The following DRC8 variants were observed in gnomAD, a reference collection of about 807,000 sequenced individuals.
The protein encoded by DRC8 is dynein regulatory complex subunit 8, also known as dynein regulatory complex protein 8.
chr1:245,100,493 T>C, the DRC8 span, among the ~76,000 whole-genome samples: 1 of 151,984 alleles, frequency 6.6e-6, no homozygotes, highest in Non-Finnish European at 1.5e-5. Flanking sequence ...AAAAATACTA[T>C]ACAGAGGCCT....
At chr1:245,009,972 T>A in the DRC8 span, among the ~76,000 whole-genome samples, 71 of 152,334 alleles carry the variant, frequency 4.7e-4, no homozygotes, top group African/African-American at 1.2e-3. Context: ...GTGATTCTCC[T>A]GCCTCAGCTT....
the DRC8 span, among the ~76,000 whole-genome samples, chr1:245,113,194 CT>C: frequency 6.6e-6 from 1 of 152,190 alleles, no homozygotes; most frequent in Admixed American, 6.5e-5. Context: ...AGTTTCCCCC[CT>C]AAGAGCTTAT....
At chr1:245,100,931 C>T in the DRC8 span, among the ~76,000 whole-genome samples, 5 of 152,134 alleles carry the variant, frequency 3.3e-5, no homozygotes, top group Non-Finnish European at 5.9e-5. Context: ...GTCACCCAGG[C>T]TGGAGTGCAA....
the DRC8 span, among the ~76,000 whole-genome samples, chr1:245,099,067 C>G: frequency 6.6e-6 from 1 of 152,042 alleles, no homozygotes; most frequent in Non-Finnish European, 1.5e-5. Flanking sequence ...GACTCCAGTC[C>G]CTTACTGGCC....
chr1:245,110,505 A>G, the DRC8 span, among the ~76,000 whole-genome samples: 2 of 152,246 alleles, frequency 1.3e-5, no homozygotes, highest in African/African-American at 4.8e-5. Flanking sequence ...GACAGGACCT[A>G]GTTTTGACTT....
chr1:244,980,469 C>G, the DRC8 span, among the ~76,000 whole-genome samples: 1 of 152,044 alleles, frequency 6.6e-6, no homozygotes, highest in Non-Finnish European at 1.5e-5. Flanking sequence ...AGATGGACTC[C>G]AGGTTTGGGA....
the DRC8 span, among the ~76,000 whole-genome samples, chr1:244,991,611 C>T: frequency 1.6e-3 from 237 of 152,250 alleles, 1 homozygote; most frequent in African/African-American, 5.1e-3. Context: ...TACATTATGA[C>T]TTTTAATCCT....
chr1:245,030,593 A>G, the DRC8 span: 4 of 152,302 alleles, frequency 2.6e-5, no homozygotes, highest in Middle Eastern at 6.8e-3. Flanking sequence ...GTGACTCCAC[A>G]TCACCTGGTA....
chr1:245,055,922 T>A, the DRC8 span, among the ~76,000 whole-genome samples: 43 of 152,158 alleles, frequency 2.8e-4, 1 homozygote, highest in African/African-American at 9.9e-4. Context: ...AGAGACAGGG[T>A]CTTGCTGTGC....
At chr1:245,041,860 G>A in the DRC8 span, among the ~76,000 whole-genome samples, 30 of 152,152 alleles carry the variant, frequency 2.0e-4, no homozygotes, top group African/African-American at 5.8e-4. Flanking sequence ...AAAAAGTGGC[G>A]CCTACAAATT....
chr1:245,089,977 T>C, the DRC8 span, among the ~76,000 whole-genome samples: 6 of 152,090 alleles, frequency 3.9e-5, no homozygotes, highest in Admixed American at 2.0e-4. The surrounding 1 kb of genome is among the most constrained non-coding windows in gnomAD (Gnocchi z 4.8). Flanking sequence ...TTTTGGAATA[T>C]CTCTTGTGGG....
chr1:245,084,249 T>G, the DRC8 span, among the ~76,000 whole-genome samples: 1 of 151,854 alleles, frequency 6.6e-6, no homozygotes, highest in Non-Finnish European at 1.5e-5. Flanking sequence ...GCCCAGCTAA[T>G]TTTTTGTATT....
chr1:245,003,930 T>G, the DRC8 span, among the ~76,000 whole-genome samples: 11 of 152,166 alleles, frequency 7.2e-5, no homozygotes, highest in Non-Finnish European at 1.5e-4. Flanking sequence ...AGGGTCTCCC[T>G]ATGTTGTCAG....
At chr1:244,989,470 T>C in the DRC8 span, among the ~76,000 whole-genome samples, 1 of 152,132 alleles carries the variant, frequency 6.6e-6, no homozygotes, top group Non-Finnish European at 1.5e-5. Context: ...GATGTTTGTG[T>C]CCTGATTAGA....
At chr1:244,975,429 C>G in the DRC8 span, among the ~76,000 whole-genome samples, 1 of 152,122 alleles carries the variant, frequency 6.6e-6, no homozygotes, top group Non-Finnish European at 1.5e-5. Flanking sequence ...TGATCTTAGC[C>G]GAGATGCTAA....
chr1:245,012,705 G>GAT, the DRC8 span, among the ~76,000 whole-genome samples: 1 of 151,884 alleles, frequency 6.6e-6, no homozygotes, highest in Non-Finnish European at 1.5e-5. Flanking sequence ...ATCTATAAGG[G>GAT]ATATATATAT....
chr1:245,066,723 T>C, the DRC8 span, among the ~76,000 whole-genome samples: 1 of 152,068 alleles, frequency 6.6e-6, no homozygotes, highest in Non-Finnish European at 1.5e-5. Flanking sequence ...CTGGCTAACA[T>C]GGTGAAACCC....
the DRC8 span, among the ~76,000 whole-genome samples, chr1:245,000,389 G>T: frequency 1.5e-3 from 225 of 152,250 alleles, 1 homozygote; most frequent in African/African-American, 5.1e-3. Context: ...TTTGGACCAC[G>T]GTTGAGTGTG....
chr1:245,064,988 A>G, the DRC8 span, among the ~76,000 whole-genome samples: 1 of 149,968 alleles, frequency 6.7e-6, no homozygotes, highest in Non-Finnish European at 1.5e-5. Flanking sequence ...TTTTCTTGCA[A>G]TTATTTTGTT....
Sources: gnomAD v4.1 joint callset for allele counts (sites outside exome capture counted in the v4.1 genomes callset) on GRCh38, gnomAD v4.1.1 for gene constraint, Gnocchi (gnomAD v3.1) non-coding constraint, MANE v1.5 for transcripts, NCBI Gene and HGNC (gene_info 2026-07-23, HGNC 2026-07-21) for gene names.